The following ITPR1 variants were observed in gnomAD, a reference collection of about 807,000 sequenced individuals.
ITPR1 encodes the protein inositol 1,4,5-trisphosphate-gated calcium channel ITPR1.
Under a neutral mutation model 318.4 loss-of-function variants are expected in ITPR1, and 96 were observed. That is an observed-to-expected ratio of 0.30 (90% confidence interval 0.26 to 0.36). ITPR1 has a LOEUF of 0.36. Among genes scored for constraint, ITPR1 ranks in the 10% least tolerant of loss-of-function variants. The pLI, the probability that ITPR1 is intolerant of heterozygous loss-of-function variation, is 1.00. For missense variants in ITPR1, 2,440 were observed against 3,460.2 expected, an observed-to-expected ratio of 0.71 and a Z score of 7.40; for synonymous variants, 1,312 against 1,289.9, an observed-to-expected ratio of 1.02 and a Z score of -0.37.
intron 52 of ITPR1, 77 bp from the exon 53 acceptor site, chr3:4,794,988 C>T (rs1006564953): frequency 3.2e-5 from 47 of 1,458,334 alleles, no homozygotes; most frequent in South Asian, 4.7e-5. Flanking sequence ...GCAGAGCTGG[C>T]GGAAGGGCCA....
At chr3:4,608,120 A>C (rs572192343) in intron 4 of ITPR1, among the ~76,000 whole-genome samples, 22 of 152,204 alleles carry the variant, frequency 1.4e-4, no homozygotes, top group Non-Finnish European at 2.9e-4. Context: ...GATGAGGGTT[A>C]GCCAGATCAG....
rs912784852 is a variant in ITPR1 at position 4,710,584 on chromosome 3, C to A, written c.4991+111C>A. ...TCCTGTTTTTTAACTTTGATGAATG[C>A]AAGGTCATGTGCTAAAGTCCTGTTC... On this transcript the variant is annotated intron_variant, in intron 38 of 61. Transcript: ENST00000649015. This position sits in a 1 kb window ranked among gnomAD's most constrained non-coding sequence, Gnocchi z 4.2. 3 of 1,092,958 alleles carry A rather than the reference C, an allele frequency of 2.7e-6. No homozygotes were observed. Among genetic ancestry groups the A allele is most frequent in the Admixed American group, 2.4e-5 (1 of 42,336 alleles). 67.7% of individuals were successfully genotyped at this position (1,092,958 alleles called of 1,614,324 possible).
intron 5 of ITPR1, among the ~76,000 whole-genome samples, chr3:4,632,735 C>T (rs116490790): frequency 0.022 from 3,392 of 152,044 alleles, 54 homozygotes; most frequent in Non-Finnish European, 0.032. Flanking sequence ...ACACTCCTTC[C>T]TATGAATGAA....
intron 60 of ITPR1, among the ~76,000 whole-genome samples, chr3:4,834,385 T>C (rs2050737024): frequency 6.6e-6 from 1 of 152,218 alleles, no homozygotes; most frequent in Non-Finnish European, 1.5e-5. Context: ...TTTGTATCTT[T>C]TTTCTTCAAT....
Position 4,684,161 on chromosome 3 carries a change from A to C in ITPR1, c.3499-120A>C. ...TAGATGACTGGGGCATAAGCCCAGC[A>C]TGACTATTGTAAAACAGTATAGAAC... On this transcript the variant is annotated intron_variant, in intron 28 of 61. Transcript: ENST00000649015. The C allele has an allele frequency of 4.2e-6, 3 of 707,834 alleles. No homozygotes were observed. In the South Asian group the frequency reaches 5.2e-5, roughly 12 times the overall value. 43.8% of individuals were successfully genotyped at this position (707,834 alleles called of 1,614,324 possible). A position where few individuals can be genotyped will look rare whatever the true frequency, so the allele number is the denominator to read the frequency against.
chr3:4,591,710 A>G (rs1385095951), intron 4 of ITPR1, among the ~76,000 whole-genome samples: 4 of 152,226 alleles, frequency 2.6e-5, no homozygotes, highest in Non-Finnish European at 5.9e-5. Flanking sequence ...CCCTGATCAA[A>G]AACATTTTTA....
At chr3:4,515,299 C>T (rs2082100668) in intron 2 of ITPR1, among the ~76,000 whole-genome samples, 1 of 152,150 alleles carries the variant, frequency 6.6e-6, no homozygotes, top group African/African-American at 2.4e-5. Flanking sequence ...ACTTGGCACC[C>T]AGGAAGCAAT....
intron 17 of ITPR1, among the ~76,000 whole-genome samples, chr3:4,667,032 C>T (rs543724809): frequency 1.3e-5 from 2 of 152,306 alleles, no homozygotes; most frequent in East Asian, 3.9e-4. Flanking sequence ...GTTAAGTCCT[C>T]TTGAATTAGG....
intron 5 of ITPR1, among the ~76,000 whole-genome samples, chr3:4,636,042 TA>T (rs1468931318): frequency 6.6e-6 from 1 of 151,902 alleles, no homozygotes; most frequent in Non-Finnish European, 1.5e-5. Context: ...GTATTTTTAG[TA>T]GAGATGGGGT....
rs114292907 is a variant in ITPR1, at chr3:4,748,888, G to A, written c.5544+13534G>A. Among the ~76,000 whole-genome samples the A allele has an allele frequency of 5.6e-3, 847 of 152,316 alleles. 2 individuals are homozygous for A. The highest frequency in any genetic ancestry group is 0.014 in the African/African-American group (569 of 41,574). On this transcript the variant is annotated intron_variant, in intron 44 of 61. Coordinates refer to ENST00000649015, the MANE Select transcript of ITPR1 (RefSeq NM_001378452.1). ...TGGCAACATTGCTGCACTGGGACGC[G>A]AAGTTGTATTGGTTCCCAGCAGACC...
intron 4 of ITPR1, among the ~76,000 whole-genome samples, chr3:4,622,176 G>A (rs888465358): frequency 2.5e-4 from 37 of 148,636 alleles, no homozygotes; most frequent in African/African-American, 7.2e-4. Context: ...GTGCAGTGGC[G>A]TGATCTCAGC....
chr3:4,838,730 C>G (rs970329572), intron 61 of ITPR1, among the ~76,000 whole-genome samples: 2 of 152,198 alleles, frequency 1.3e-5, no homozygotes, highest in Non-Finnish European at 2.9e-5. Flanking sequence ...CTTGCTCACT[C>G]ATTTCTGCTT....
At chr3:4,642,907 T>C (rs991297952) in intron 7 of ITPR1, among the ~76,000 whole-genome samples, 4 of 152,260 alleles carry the variant, frequency 2.6e-5, no homozygotes, top group African/African-American at 9.6e-5. Context: ...TTTTTGACCT[T>C]GTTAACGATT....
intron 4 of ITPR1, among the ~76,000 whole-genome samples, chr3:4,547,682 C>T (rs1358873203): frequency 2.0e-5 from 3 of 152,156 alleles, no homozygotes; most frequent in South Asian, 2.1e-4. Flanking sequence ...TTAGGAGTCT[C>T]GTAGGCACAT....
At chr3:4,649,155 CAT>C (rs1217424667) in intron 10 of ITPR1, among the ~76,000 whole-genome samples, 1 of 152,126 alleles carries the variant, frequency 6.6e-6, no homozygotes, top group African/African-American at 2.4e-5. Flanking sequence ...ACTAAGGAAA[CAT>C]AGAAAATCAA....
chr3:4,768,971 G>A (rs768960205), intron 46 of ITPR1, among the ~76,000 whole-genome samples: 8 of 151,010 alleles, frequency 5.3e-5, no homozygotes, highest in South Asian at 2.1e-4. Context: ...GTACAGTGGC[G>A]TGATCTTGGC....
intron 42 of ITPR1, among the ~76,000 whole-genome samples, chr3:4,727,601 A>G (rs2042612572): frequency 6.6e-6 from 1 of 152,158 alleles, no homozygotes; most frequent in Non-Finnish European, 1.5e-5. Flanking sequence ...TTAGAGACAG[A>G]TATTACTCTG....
chr3:4,683,099 G>A (rs1293998250), intron 26 of ITPR1, among the ~76,000 whole-genome samples: 1 of 152,218 alleles, frequency 6.6e-6, no homozygotes, highest in Non-Finnish European at 1.5e-5. Context: ...ACGAAGCCCA[G>A]CAGAAGAACA....
intron 60 of ITPR1, among the ~76,000 whole-genome samples, chr3:4,830,130 T>C (rs990263549): frequency 2.0e-5 from 3 of 151,784 alleles, no homozygotes; most frequent in Non-Finnish European, 2.9e-5. Context: ...CATGCCACCA[T>C]GCCCAGCTAA....
Sources: allele counts gnomAD v4.1 joint callset (sites outside exome capture counted in the v4.1 genomes callset), GRCh38; gene constraint gnomAD v4.1.1; non-coding constraint Gnocchi (gnomAD v3.1); transcripts MANE v1.5; gene names NCBI Gene and HGNC (gene_info 2026-07-23, HGNC 2026-07-21).